Variants in ATG2A observed in about 807,000 individuals in gnomAD.
ATG2A encodes the protein autophagy related 2A.
A neutral mutation model predicts 214.2 loss-of-function variants in ATG2A; 103 were observed. That is an observed-to-expected ratio of 0.48 (90% CI 0.41 to 0.57). ATG2A has a LOEUF of 0.57. Among genes scored for constraint, ATG2A ranks in the 20% least tolerant of loss-of-function variants. The probability of loss-of-function intolerance (pLI) is 0.00; values close to 1 mark genes in which losing one functional copy is unlikely to be tolerated. For missense variants in ATG2A, 2,312 were observed against 2,613.2 expected, an observed-to-expected ratio of 0.88 and a Z score of 2.51; for synonymous variants, 1,160 against 1,142.1, an observed-to-expected ratio of 1.02 and a Z score of -0.32.
intron 1 of ATG2A, among the ~76,000 whole-genome samples, chr11:64,916,143 G>A (rs1279642832): frequency 6.6e-6 from 1 of 152,180 alleles, no homozygotes; most frequent in Non-Finnish European, 1.5e-5. Context: ...CAGGTCAGCT[G>A]AGCTGTGAGT....
chr11:64,907,938 T>C, intron 16 of ATG2A, 48 bp from the exon 17 acceptor site: 1 of 1,581,360 alleles, frequency 6.3e-7, no homozygotes, highest in Non-Finnish European at 8.6e-7. Flanking sequence ...TTAGAGACGC[T>C]GGCTGGGGCC....
In ATG2A at chr11:64,914,604, C is replaced by T. The variant is rs746347576; in HGVS notation, c.172-104G>A. 9 of 1,399,726 alleles carry T rather than the reference C, an allele frequency of 6.4e-6. No homozygotes were observed. In the Admixed American group the frequency reaches 1.0e-4, roughly 16 times the overall value. 86.7% of individuals were successfully genotyped at this position (1,399,726 alleles called of 1,614,324 possible). On this transcript the variant is annotated intron_variant, in intron 1 of 40. Transcript: ENST00000377264. ...TGCCTTGGAGAGCACCCTTGGCTTG[C>T]CCTGTCCCTCCACGTGTTATCTACA...
Position 64,895,219 on chromosome 11 carries a change from C to G in ATG2A, c.5581-10G>C. 1 of 1,613,040 alleles carries G rather than the reference C, an allele frequency of 6.2e-7. No individual in the cohort carries two copies. Among genetic ancestry groups the G allele is most frequent in the Non-Finnish European group, 8.5e-7 (1 of 1,179,726 alleles). On this transcript the variant is annotated splice_polypyrimidine_tract_variant and intron_variant, in intron 40 of 40. Transcript: ENST00000377264. The surrounding 1 kb of genome is among the most constrained non-coding windows in gnomAD (Gnocchi z 5.0). ...CTGTATCCAAGATGCCCTGTGGAAG[C>G]CAGAGGTCAGGGCGGGGTCTGTGTG...
chr11:64,910,958 C>T lies in ATG2A; in HGVS notation c.1467-4G>A, dbSNP rs372888656. On this transcript the variant is annotated splice_region_variant and splice_polypyrimidine_tract_variant and intron_variant, in intron 10 of 40. Coordinates refer to ENST00000377264, the MANE Select transcript of ATG2A (RefSeq NM_015104.3). Reference sequence around the variant, plus strand: ...CTGCACGGCTGTGCCCGTTAGCCTGCGGGGAAGAGGACAGGCGTCAGAAGG... The same window carrying T: ...CTGCACGGCTGTGCCCGTTAGCCTGTGGGGAAGAGGACAGGCGTCAGAAGG... 1.8e-5 allele frequency: 29 copies of T among 1,613,378 alleles called. No individual in the cohort carries two copies. In the Middle Eastern group the frequency reaches 8.3e-4, roughly 46 times the overall value.
chr11:64,910,183 G>C lies in ATG2A; in HGVS notation c.1720C>G (p.Arg574Gly). 1 of 1,601,750 alleles carries C rather than the reference G, an allele frequency of 6.2e-7. No individual in the cohort carries two copies. Among genetic ancestry groups the C allele is most frequent in the Non-Finnish European group, 8.5e-7 (1 of 1,174,794 alleles). The stretch of plus-strand genomic sequence containing the variant: ...GAGTGGCAATGGCAGGCAACTGAGC[G>C]CCGGGGTCGGCTCTGAGGGCGAGGG... ...LRRVPKSRPR[R>G]SVACHCHSEL... The change falls in exon 13 of 41, where the codon CGC becomes GGC. Residue 574 changes from arginine to glycine, a missense_variant. Arg to Gly is a moderately radical substitution (Grantham distance 125). Coordinates refer to ENST00000377264, the MANE Select transcript of ATG2A (RefSeq NM_015104.3).
intron 6 of ATG2A, 124 bp downstream of exon 6, chr11:64,912,914 G>T: frequency 1.3e-6 from 1 of 748,602 alleles, no homozygotes; most frequent in Non-Finnish European, 2.1e-6. Context: ...TTCTTTAGCT[G>T]CCAAGAAGGA....
In ATG2A at chr11:64,907,559, G is replaced by T. The variant is rs1321704173; in HGVS notation, c.2613C>A (p.Asp871Glu). The T allele has an allele frequency of 6.2e-7, 1 of 1,612,018 alleles. No individual in the cohort carries two copies. ...AGGCTGACTTGCACATCTTAAAGCT[G>T]TCGTGCCAGAAGCCTGAGGGGCCGG... Reference protein sequence around the residue: ...GFPGPSGFWHDSFKMCKSAFK... With the variant: ...GFPGPSGFWHESFKMCKSAFK... Residue 871 changes from aspartate to glutamate, a missense_variant, in exon 18 of 41, where the codon GAC becomes GAA. By Grantham distance (45) the Asp-to-Glu change is conservative (BLOSUM62 2). Coordinates refer to ENST00000377264, the MANE Select transcript of ATG2A (RefSeq NM_015104.3).
chr11:64,912,994 T>G, intron 6 of ATG2A, 44 bp downstream of exon 6: 39 of 1,379,404 alleles, frequency 2.8e-5, no homozygotes, highest in Non-Finnish European at 3.4e-5. Context: ...GGAGGAGTCT[T>G]GAGATGGGGT....
Position 64,900,649 on chromosome 11 carries a change from C to T in ATG2A, c.4329-20G>A, listed in dbSNP as rs374280638. On this transcript the variant is annotated intron_variant, in intron 30 of 40. Transcript: ENST00000377264. Reference sequence around the variant, plus strand: ...CTTGCCCTGGGAAGAGGGACAGGGGCCAAGCTGACTCAGAGGAACCCCATT... The same window carrying T: ...CTTGCCCTGGGAAGAGGGACAGGGGTCAAGCTGACTCAGAGGAACCCCATT... 1.0e-4 allele frequency: 163 copies of T among 1,579,654 alleles called. No individual in the cohort carries two copies. The highest frequency in any genetic ancestry group is 1.3e-4 in the Non-Finnish European group (154 of 1,163,150).
In ATG2A at chr11:64,896,927, T is replaced by C; in HGVS notation, c.5151-58A>G. Reference sequence around the variant, plus strand: ...TGAGGCAGAGCCACACATGGAGGGATTGTGGGGTCAGGAGGACTCAGTACC... The same window carrying C: ...TGAGGCAGAGCCACACATGGAGGGACTGTGGGGTCAGGAGGACTCAGTACC... On this transcript the variant is annotated intron_variant, in intron 37 of 40. Transcript: ENST00000377264. 7 of 1,597,838 alleles carry C rather than the reference T, an allele frequency of 4.4e-6. No individual in the cohort carries two copies. In the Middle Eastern group the frequency reaches 8.5e-4, roughly 194 times the overall value.
intron 16 of ATG2A, among the ~76,000 whole-genome samples, chr11:64,908,523 G>A (rs1352501612): frequency 6.6e-6 from 1 of 151,888 alleles, no homozygotes; most frequent in Non-Finnish European, 1.5e-5. Flanking sequence ...CTGCACTCCA[G>A]CCTCGGCGAC....
chr11:64,912,487 C>A (rs1944814175), intron 6 of ATG2A, 64 bp from the exon 7 acceptor site: 3 of 1,363,782 alleles, frequency 2.2e-6, no homozygotes, highest in Non-Finnish European at 9.9e-7. Context: ...AGAGCTACCA[C>A]CCGCCTGCCC....
At chr11:64,908,943 G>A (rs1175270214) in intron 16 of ATG2A, 48 bp downstream of exon 16, 6 of 1,539,170 alleles carry the variant, frequency 3.9e-6, no homozygotes, top group Non-Finnish European at 5.2e-6. Context: ...CAGGAACCCG[G>A]GCGGTGGGCG....
rs775661966 is a variant in ATG2A at position 64,898,396 on chromosome 11, G to A, written c.4672-34C>T. 6.6e-7 allele frequency: 1 copy of A among 1,526,378 alleles called. No individual in the cohort carries two copies. Among genetic ancestry groups the A allele is most frequent in the Non-Finnish European group, 8.8e-7 (1 of 1,132,192 alleles). 94.6% of individuals were successfully genotyped at this position (1,526,378 alleles called of 1,614,324 possible). On this transcript the variant is annotated intron_variant, in intron 32 of 40. Coordinates refer to ENST00000377264, the MANE Select transcript of ATG2A (RefSeq NM_015104.3). This position sits in a 1 kb window ranked among gnomAD's most constrained non-coding sequence, Gnocchi z 4.5. ...AGAGGGTGAGTTCTGGACACCTGCTGGGCCTCTGGGGCAGCAGCTCACCCA... is the reference window on the plus strand; with the variant it reads ...AGAGGGTGAGTTCTGGACACCTGCTAGGCCTCTGGGGCAGCAGCTCACCCA...
rs1051872428 is a variant in ATG2A, at chr11:64,903,278, C to G, written c.3612+10G>C. On this transcript the variant is annotated intron_variant, in intron 26 of 40. Transcript: ENST00000377264. This position sits in a 1 kb window ranked among gnomAD's most constrained non-coding sequence, Gnocchi z 4.2. ...GTGGCTCCAGGAGCCAGAGTGACAG[C>G]CTCACTCACCAGTTTGCCCTCGGTG... 1 of 1,612,708 alleles carries G rather than the reference C, an allele frequency of 6.2e-7. No homozygotes were observed. Among genetic ancestry groups the G allele is most frequent in the Non-Finnish European group, 8.5e-7 (1 of 1,179,204 alleles).
chr11:64,898,029 G>A lies in ATG2A; in HGVS notation c.4859-55C>T, dbSNP rs1406427817. The A allele has an allele frequency of 1.9e-6, 3 of 1,604,534 alleles. No homozygotes were observed. The highest frequency in any genetic ancestry group is 2.7e-5 in the African/African-American group (2 of 74,678). On this transcript the variant is annotated intron_variant, in intron 34 of 40. Coordinates refer to ENST00000377264, the MANE Select transcript of ATG2A (RefSeq NM_015104.3). The surrounding 1 kb of genome is among the most constrained non-coding windows in gnomAD (Gnocchi z 4.5). ...TGGGGCCAGGAATGACTGGGAACCT[G>A]TGCTGTCCTGGGAGGCAGAAGGCCC...
intron 16 of ATG2A, 34 bp downstream of exon 16, chr11:64,908,957 G>C: frequency 6.5e-7 from 1 of 1,545,842 alleles, no homozygotes; most frequent in Non-Finnish European, 8.7e-7. Context: ...GTGGGCGGGA[G>C]GGGGTCCTGG....
In ATG2A at chr11:64,905,552, G is replaced by A. The variant is rs376204517; in HGVS notation, c.3464+11C>T. 3.4e-5 allele frequency: 54 copies of A among 1,606,430 alleles called. No individual in the cohort carries two copies. Among genetic ancestry groups the A allele is most frequent in the African/African-American group, 4.0e-5 (3 of 74,972 alleles). On this transcript the variant is annotated intron_variant, in intron 24 of 40. Coordinates refer to ENST00000377264, the MANE Select transcript of ATG2A (RefSeq NM_015104.3). The stretch of plus-strand genomic sequence containing the variant: ...AGGGTGGGATGGCCCAGTGTGGGGC[G>A]GCCTGCATACCTGAGCAGGAAGGTG...
chr11:64,910,289 C>T (rs955260093), intron 12 of ATG2A, 94 bp from the exon 13 acceptor site: 16 of 1,482,350 alleles, frequency 1.1e-5, no homozygotes, highest in Non-Finnish European at 1.4e-5. Context: ...AGAGCTGGGG[C>T]AGGGGCCACG....
Sources: gnomAD v4.1 joint callset for allele counts (sites outside exome capture counted in the v4.1 genomes callset) on GRCh38, gnomAD v4.1.1 for gene constraint, Gnocchi (gnomAD v3.1) non-coding constraint, MANE v1.5 for transcripts, NCBI Gene and HGNC (gene_info 2026-07-23, HGNC 2026-07-21) for gene names.